TAS2R1: variants seen among roughly 807,000 people sequenced by gnomAD.
The protein encoded by TAS2R1 is taste 2 receptor member 1, also known as taste receptor type 2 member 1.
For missense variants in TAS2R1, 370 were observed against 353.4 expected, an observed-to-expected ratio of 1.05 and a Z score of -0.38; for synonymous variants, 141 against 134.2, an observed-to-expected ratio of 1.05 and a Z score of -0.35.
intron 1 of TAS2R1, among the ~76,000 whole-genome samples, chr5:9,660,953 G>A (rs1310741878): frequency 1.3e-5 from 2 of 152,120 alleles, no homozygotes; most frequent in Admixed American, 6.5e-5. Flanking sequence ...TACACCCGTA[G>A]GAACTAAATT....
At chr5:9,646,153 A>G (rs564239467) in intron 2 of TAS2R1, among the ~76,000 whole-genome samples, 4 of 152,178 alleles carry the variant, frequency 2.6e-5, no homozygotes, top group Non-Finnish European at 5.9e-5. Context: ...TAGATCATAC[A>G]GTTTTCTCAA....
intron 1 of TAS2R1, among the ~76,000 whole-genome samples, chr5:9,669,715 A>T (rs1364770589): frequency 6.6e-6 from 1 of 152,186 alleles, no homozygotes; most frequent in East Asian, 1.9e-4. Flanking sequence ...GAAACTAATG[A>T]AAACAAAGAT....
At chr5:9,737,332 C>A in the TAS2R1 span, among the ~76,000 whole-genome samples, 1 of 152,204 alleles carries the variant, frequency 6.6e-6, no homozygotes, top group African/African-American at 2.4e-5. Context: ...GGCTCTATCA[C>A]TTATTAGCTG....
chr5:9,785,445 G>A, the TAS2R1 span, among the ~76,000 whole-genome samples: 3 of 152,196 alleles, frequency 2.0e-5, no homozygotes, highest in African/African-American at 7.2e-5. Context: ...TCTGCAGTGT[G>A]GGCATTAGCC....
At chr5:9,781,035 G>A in the TAS2R1 span, among the ~76,000 whole-genome samples, 1 of 152,122 alleles carries the variant, frequency 6.6e-6, no homozygotes, top group African/African-American at 2.4e-5. Flanking sequence ...ATCTCTTAAT[G>A]CGTAATATAT....
chr5:9,691,062 G>A (rs1467722632), intron 1 of TAS2R1, among the ~76,000 whole-genome samples: 2 of 152,156 alleles, frequency 1.3e-5, no homozygotes, highest in East Asian at 1.9e-4. Flanking sequence ...TATGTCCACC[G>A]CCTAATATGC....
At chr5:9,708,742 T>C (rs1258213842) in intron 1 of TAS2R1, among the ~76,000 whole-genome samples, 1 of 152,168 alleles carries the variant, frequency 6.6e-6, no homozygotes, top group Non-Finnish European at 1.5e-5. Flanking sequence ...ATGTCAGAAA[T>C]GCTTTCCGGA....
chr5:9,753,495 G>A, the TAS2R1 span, among the ~76,000 whole-genome samples: 6 of 152,058 alleles, frequency 3.9e-5, no homozygotes, highest in African/African-American at 1.2e-4. Context: ...CATTCTGTAG[G>A]TTGCCTGTTC....
chr5:9,772,972 G>A, the TAS2R1 span, among the ~76,000 whole-genome samples: 2 of 152,118 alleles, frequency 1.3e-5, no homozygotes, highest in East Asian at 3.9e-4. Flanking sequence ...GTTTTGATTA[G>A]AGTTTAGTCC....
the TAS2R1 span, among the ~76,000 whole-genome samples, chr5:9,849,013 T>C: frequency 6.6e-6 from 1 of 152,190 alleles, no homozygotes; most frequent in East Asian, 1.9e-4. Context: ...TCCTTGCCAA[T>C]CAATGTTGGT....
At chr5:9,848,934 A>G in the TAS2R1 span, among the ~76,000 whole-genome samples, 1 of 152,190 alleles carries the variant, frequency 6.6e-6, no homozygotes, top group Non-Finnish European at 1.5e-5. Flanking sequence ...CATGACAGGC[A>G]TGGTTTATGA....
chr5:9,710,973 T>A lies in TAS2R1; in HGVS notation c.-242+1199A>T, dbSNP rs1246708658. Among the ~76,000 whole-genome samples the A allele has an allele frequency of 4.1e-5, 5 of 123,312 alleles. No homozygotes were observed. In the East Asian group the frequency reaches 1.0e-3, roughly 26 times the overall value. The allele number at this position is 123,312 out of a possible 152,430, so 80.9% of individuals were successfully genotyped here. A position where few individuals can be genotyped will look rare whatever the true frequency, so the allele number is the denominator to read the frequency against. ...ATATATAATTATATTTATATATAATTTATGATATATATTTATATATATTTA... is the reference window on the plus strand; with the variant it reads ...ATATATAATTATATTTATATATAATATATGATATATATTTATATATATTTA... On this transcript the variant is annotated intron_variant, in intron 1 of 2. Transcript: ENST00000506620.
chr5:9,686,489 CTCTG>C (rs1183798017), intron 1 of TAS2R1, among the ~76,000 whole-genome samples: 2 of 152,156 alleles, frequency 1.3e-5, no homozygotes, highest in East Asian at 3.9e-4. Flanking sequence ...TGGGACTTTG[CTCTG>C]TCATGTAATT....
At chr5:9,753,265 A>C in the TAS2R1 span, among the ~76,000 whole-genome samples, 1 of 152,144 alleles carries the variant, frequency 6.6e-6, no homozygotes, top group African/African-American at 2.4e-5. Context: ...ATGGTATCTC[A>C]TTGTGGTTTT....
At chr5:9,658,515 C>T (rs1043389585) in intron 2 of TAS2R1, 2 of 152,170 alleles carry the variant, frequency 1.3e-5, no homozygotes, top group African/African-American at 4.8e-5. Flanking sequence ...ACAAGCTCAC[C>T]GGTGCTGCCA....
At chr5:9,678,810 A>C (rs556926068) in intron 1 of TAS2R1, among the ~76,000 whole-genome samples, 1 of 152,258 alleles carries the variant, frequency 6.6e-6, no homozygotes, top group Non-Finnish European at 1.5e-5. Context: ...AGGATCAGGA[A>C]TAATAGCCAA....
At chr5:9,701,950 G>C (rs1282343219) in intron 1 of TAS2R1, among the ~76,000 whole-genome samples, 2 of 152,058 alleles carry the variant, frequency 1.3e-5, no homozygotes, top group African/African-American at 4.8e-5. Context: ...GATGTACAGG[G>C]GCAAAACTGC....
the TAS2R1 span, among the ~76,000 whole-genome samples, chr5:9,825,274 G>A: frequency 3.9e-5 from 6 of 152,146 alleles, no homozygotes; most frequent in Admixed American, 3.3e-4. Context: ...CACATGGCTG[G>A]GGAGGCCTCA....
chr5:9,827,403 G>A, the TAS2R1 span, among the ~76,000 whole-genome samples: 1 of 152,112 alleles, frequency 6.6e-6, no homozygotes, highest in East Asian at 1.9e-4. Flanking sequence ...TTCATCCTCT[G>A]TGACCCACTT....
Sources: gnomAD v4.1 joint callset for allele counts (sites outside exome capture counted in the v4.1 genomes callset) on GRCh38, gnomAD v4.1.1 for gene constraint, MANE v1.5 for transcripts, NCBI Gene and HGNC (gene_info 2026-07-23, HGNC 2026-07-21) for gene names.